CHODL: variants seen among roughly 807,000 people sequenced by gnomAD.
CHODL encodes the protein transmembrane protein MT75.
Under a neutral mutation model 34.5 loss-of-function variants are expected in CHODL, and 29 were observed. The observed-to-expected ratio is 0.84, with a 90% CI of 0.63 to 1.15. CHODL has a LOEUF of 1.15. Ranked by LOEUF, CHODL falls within the 50% of genes most tolerant of loss-of-function variation. The pLI is 0.00. For missense variants in CHODL, 332 were observed against 332.5 expected (o/e 1.00, Z 0.01); for synonymous variants, 125 against 116.1 (o/e 1.08, Z -0.49).
rs189192260 is a variant in CHODL, at chr21:18,176,761, A to C, written c.-44-79748A>C. ...TTGAAACCAAAAAGGGTTTATTGAA[A>C]TGGAGGAATGTTATGATCAAAGATG... On this transcript the variant is annotated intron_variant, in intron 2 of 6. Transcript: ENST00000400127. Among the ~76,000 whole-genome samples, 100 of 152,302 alleles carry C rather than the reference A, an allele frequency of 6.6e-4. 2 individuals carry two copies. In the East Asian group the frequency reaches 0.017, roughly 26 times the overall value.
intron 2 of CHODL, among the ~76,000 whole-genome samples, chr21:18,104,372 C>G (rs1042271022): frequency 6.6e-6 from 1 of 152,122 alleles, no homozygotes; most frequent in Non-Finnish European, 1.5e-5. Context: ...CTCCTTCCTG[C>G]TGTCTTGTGA....
chr21:17,954,189 T>C (rs978234052), intron 1 of CHODL, among the ~76,000 whole-genome samples: 2 of 152,090 alleles, frequency 1.3e-5, no homozygotes, highest in African/African-American at 4.8e-5. Flanking sequence ...ATGAGTGATA[T>C]TTTGCAATAA....
intron 1 of CHODL, among the ~76,000 whole-genome samples, chr21:17,997,141 C>T (rs2146395171): frequency 6.6e-6 from 1 of 152,308 alleles, no homozygotes; most frequent in African/African-American, 2.4e-5. Context: ...CGATTAGTTA[C>T]TCTGCTTCTC....
chr21:18,226,137 G>C (rs2146747347), intron 2 of CHODL, among the ~76,000 whole-genome samples: 1 of 152,260 alleles, frequency 6.6e-6, no homozygotes, highest in South Asian at 2.1e-4. Context: ...TACAATAGCT[G>C]TGATGGCTAC....
chr21:18,003,134 A>G (rs867252647), intron 1 of CHODL, among the ~76,000 whole-genome samples: 2 of 127,698 alleles, frequency 1.6e-5, no homozygotes, highest in Non-Finnish European at 1.8e-5. Flanking sequence ...AAAAAAAAAA[A>G]ACAAAAAAAA....
chr21:18,119,389 G>A (rs963872445), intron 2 of CHODL, among the ~76,000 whole-genome samples: 8 of 152,054 alleles, frequency 5.3e-5, no homozygotes, highest in African/African-American at 1.9e-4. Flanking sequence ...CTAAATCAGG[G>A]ATCAGCTTCC....
intron 2 of CHODL, among the ~76,000 whole-genome samples, chr21:18,189,113 A>G (rs76556190): frequency 0.025 from 3,776 of 152,190 alleles, 144 homozygotes; most frequent in African/African-American, 0.085. Flanking sequence ...TCCTGGCTCT[A>G]TTTATCAGAA....
chr21:18,204,624 C>T (rs535551081), intron 2 of CHODL, among the ~76,000 whole-genome samples: 1 of 152,188 alleles, frequency 6.6e-6, no homozygotes, highest in East Asian at 1.9e-4. Context: ...CAGATTCTGT[C>T]ATTCTATGAT....
chr21:17,919,567 T>C (rs2063168091), intron 1 of CHODL, among the ~76,000 whole-genome samples: 1 of 152,044 alleles, frequency 6.6e-6, no homozygotes, highest in Non-Finnish European at 1.5e-5. Context: ...AAACCATTTT[T>C]TCCTCCTAAA....
At chr21:17,979,617 G>A (rs1437993079) in intron 1 of CHODL, among the ~76,000 whole-genome samples, 4 of 152,168 alleles carry the variant, frequency 2.6e-5, no homozygotes, top group African/African-American at 9.7e-5. Flanking sequence ...AAGAGCGTTG[G>A]AAATTCTAAG....
intron 2 of CHODL, among the ~76,000 whole-genome samples, chr21:18,146,423 G>A (rs561616701): frequency 1.1e-4 from 16 of 152,184 alleles, no homozygotes; most frequent in African/African-American, 3.9e-4. Context: ...GGAGGTGATT[G>A]GGTCATGGAG....
chr21:18,039,478 T>TA (rs2064349836), intron 2 of CHODL, among the ~76,000 whole-genome samples: 1 of 151,786 alleles, frequency 6.6e-6, no homozygotes, highest in Non-Finnish European at 1.5e-5. Flanking sequence ...GTTCCTTGCC[T>TA]ATTCCTACCT....
intron 2 of CHODL, among the ~76,000 whole-genome samples, chr21:18,080,627 G>C (rs1400600373): frequency 6.6e-6 from 1 of 152,124 alleles, no homozygotes; most frequent in African/African-American, 2.4e-5. Flanking sequence ...CTTCATCAAA[G>C]ATCAGTTGGT....
intron 2 of CHODL, among the ~76,000 whole-genome samples, chr21:18,129,377 G>A (rs1277560255): frequency 3.3e-5 from 5 of 151,792 alleles, no homozygotes; most frequent in Admixed American, 6.6e-5. Context: ...TTATTAATTT[G>A]CCAGAATTAT....
chr21:18,153,757 T>A (rs1222377496), intron 2 of CHODL, among the ~76,000 whole-genome samples: 2 of 152,114 alleles, frequency 1.3e-5, no homozygotes, highest in Non-Finnish European at 2.9e-5. Context: ...TTTATATATA[T>A]ATACATATAT....
intron 2 of CHODL, among the ~76,000 whole-genome samples, chr21:18,133,115 G>T (rs1041633010): frequency 6.6e-6 from 1 of 151,156 alleles, no homozygotes; most frequent in African/African-American, 2.4e-5. Flanking sequence ...CTATTGAAAT[G>T]TTAGAAAAAG....
At chr21:17,993,366 T>A (rs2063816375) in intron 1 of CHODL, among the ~76,000 whole-genome samples, 1 of 152,160 alleles carries the variant, frequency 6.6e-6, no homozygotes, top group Non-Finnish European at 1.5e-5. Flanking sequence ...TTCTCCCTCC[T>A]CTCACCCATC....
intron 2 of CHODL, among the ~76,000 whole-genome samples, chr21:18,110,363 G>C (rs977141274): frequency 2.6e-5 from 4 of 152,086 alleles, no homozygotes; most frequent in Non-Finnish European, 4.4e-5. Context: ...TTCTGAGTTG[G>C]CCCTGGGACT....
intron 1 of CHODL, among the ~76,000 whole-genome samples, chr21:18,023,302 G>A (rs2064144323): frequency 1.3e-5 from 2 of 152,122 alleles, no homozygotes. Context: ...GGGCTTAGCT[G>A]CTGTGAAAAA....
Sources: allele counts gnomAD v4.1 joint callset (sites outside exome capture counted in the v4.1 genomes callset), GRCh38; gene constraint gnomAD v4.1.1; transcripts MANE v1.5; gene names NCBI Gene and HGNC (gene_info 2026-07-23, HGNC 2026-07-21).